ANKRD22: variants seen among roughly 807,000 people sequenced by gnomAD.
The protein encoded by ANKRD22 is ankyrin repeat domain-containing protein 22.
ANKRD22 carries 24 observed loss-of-function variants against 25.7 expected under a neutral mutation model. The ratio of observed to expected loss-of-function variants is 0.93; its 90% CI spans 0.68 to 1.31. ANKRD22 has a LOEUF of 1.31. Ranked by LOEUF, ANKRD22 falls within the 50% of genes most tolerant of loss-of-function variation. The probability of loss-of-function intolerance (pLI) is 0.00; values close to 1 mark genes in which losing one functional copy is unlikely to be tolerated. For missense variants in ANKRD22, 214 were observed against 227.1 expected (o/e 0.94, Z 0.37); for synonymous variants, 84 against 84.3 (o/e 1.00, Z 0.02).
In ANKRD22 at chr10:88,843,310, C is replaced by A. The variant is rs1844019802; in HGVS notation, c.21+8277G>T. On this transcript the variant is annotated intron_variant, in intron 1 of 5. Transcript: ENST00000371930. ...GAGGTTGCTGAAAGACCTCATCCCACCTTGTTTTAAGCATAATATGATCTT... is the reference window on the plus strand; with the variant it reads ...GAGGTTGCTGAAAGACCTCATCCCAACTTGTTTTAAGCATAATATGATCTT... Among the ~76,000 whole-genome samples, 5 of 152,248 alleles carry A rather than the reference C, an allele frequency of 3.3e-5. No individual in the cohort carries two copies. The South Asian group carries it at 1.0e-3, about 32-fold the overall frequency.
intron 1 of ANKRD22, among the ~76,000 whole-genome samples, chr10:88,846,717 G>A (rs187303663): frequency 6.6e-6 from 1 of 152,278 alleles, no homozygotes; most frequent in Admixed American, 6.5e-5. Context: ...TGTGCCTGCT[G>A]CATTAGCACA....
In ANKRD22 at chr10:88,835,369, TACTTC is replaced by T. The variant is rs972180925; in HGVS notation, c.22-3348_22-3344del. On this transcript the variant is annotated intron_variant, in intron 1 of 5. Transcript: ENST00000371930. The stretch of plus-strand genomic sequence containing the variant: ...CGGCTGAGATGCACAAGTACAGTCA[TACTTC>T]ACTTCACAACAGGGATACGTTCTGA... Among the ~76,000 whole-genome samples, 182 of 152,304 alleles carry T rather than the reference TACTTC, an allele frequency of 1.2e-3. 1 individual carries two copies. The highest frequency in any genetic ancestry group is 4.0e-3 in the African/African-American group (168 of 41,564).
In ANKRD22 at chr10:88,820,214, A is replaced by G. The variant is rs1192961062; in HGVS notation, c.*2727T>C. The G allele has an allele frequency of 6.5e-7, 1 of 1,539,736 alleles. No homozygotes were observed. Among genetic ancestry groups the G allele is most frequent in the Non-Finnish European group, 8.8e-7 (1 of 1,142,210 alleles). On this transcript the variant is annotated 3_prime_UTR_variant, in exon 6 of 6. Transcript: ENST00000371930. Reference sequence around the variant, plus strand: ...GTCCAAATGTTACCTAGAGTTAAGAACTATTCCTTTTCTCTAGCCAACTCC... The same window carrying G: ...GTCCAAATGTTACCTAGAGTTAAGAGCTATTCCTTTTCTCTAGCCAACTCC...
rs1375106884 is a variant in ANKRD22, at chr10:88,850,472, G to A, written c.21+1115C>T. ...TTCTTTCTCAGGATGGTGGTAAACA[G>A]ATCACCCCTATGTCAGAACCACCTG... On this transcript the variant is annotated intron_variant, in intron 1 of 5. Coordinates refer to ENST00000371930, the MANE Select transcript of ANKRD22 (RefSeq NM_144590.3). 1.2e-4 allele frequency among the ~76,000 whole-genome samples: 18 copies of A among 152,072 alleles called. 1 individual carries two copies. The highest frequency in any genetic ancestry group is 1.5e-5 in the Non-Finnish European group (1 of 67,984).
chr10:88,844,496 C>G (rs1277486204), intron 1 of ANKRD22, among the ~76,000 whole-genome samples: 1 of 152,032 alleles, frequency 6.6e-6, no homozygotes, highest in Non-Finnish European at 1.5e-5. Flanking sequence ...CCATTCTCAT[C>G]TCTTTTTCAG....
intron 1 of ANKRD22, among the ~76,000 whole-genome samples, chr10:88,836,187 G>C (rs1478812894): frequency 2.0e-5 from 3 of 152,048 alleles, no homozygotes; most frequent in Non-Finnish European, 4.4e-5. Context: ...CCACACCCTT[G>C]ATCTAAATAA....
chr10:88,827,349 T>C (rs932552057), intron 3 of ANKRD22, among the ~76,000 whole-genome samples: 3 of 152,392 alleles, frequency 2.0e-5, no homozygotes, highest in Middle Eastern at 3.4e-3. Flanking sequence ...AGAGTTGAGC[T>C]ATTCATTACG....
chr10:88,822,871 A>G lies in ANKRD22; in HGVS notation c.*70T>C. ...ATCCAGGTTAAATGGCCCACAGACC[A>G]AAAGTCTAAAATGAAGATAGAATCC... is the stretch of plus-strand genomic sequence containing the variant. On this transcript the variant is annotated 3_prime_UTR_variant, in exon 6 of 6. Transcript: ENST00000371930. The G allele has an allele frequency of 7.0e-7, 1 of 1,438,578 alleles. No individual in the cohort carries two copies. Among genetic ancestry groups the G allele is most frequent in the East Asian group, 2.3e-5 (1 of 44,014 alleles). 89.1% of individuals were successfully genotyped at this position (1,438,578 alleles called of 1,614,324 possible). A position where few individuals can be genotyped will look rare whatever the true frequency, so the allele number is the denominator to read the frequency against.
chr10:88,829,118 C>G (rs1274834490), intron 2 of ANKRD22, among the ~76,000 whole-genome samples: 1 of 152,144 alleles, frequency 6.6e-6, no homozygotes, highest in Non-Finnish European at 1.5e-5. Context: ...TGTGCATAGT[C>G]TAGAAGAATG....
Position 88,820,564 on chromosome 10 carries a change from C to T in ANKRD22, c.*2377G>A. ...GGGATGGGGCTAGGACCCATGAAGG[C>T]AGAATTACGGAGAGCAGAGACCTAG... On this transcript the variant is annotated 3_prime_UTR_variant, in exon 6 of 6. Transcript: ENST00000371930. The T allele has an allele frequency of 6.8e-7, 1 of 1,462,638 alleles. No homozygotes were observed. The highest frequency in any genetic ancestry group is 9.1e-7 in the Non-Finnish European group (1 of 1,094,592). The allele number at this position is 1,462,638 out of a possible 1,614,324, so 90.6% of individuals were successfully genotyped here.
chr10:88,820,496 T>A lies in ANKRD22; in HGVS notation c.*2445A>T, dbSNP rs1188880517. 2 of 1,549,876 alleles carry A rather than the reference T, an allele frequency of 1.3e-6. No individual in the cohort carries two copies. The highest frequency in any genetic ancestry group is 4.9e-5 in the East Asian group (2 of 40,920). On this transcript the variant is annotated 3_prime_UTR_variant, in exon 6 of 6. Coordinates refer to ENST00000371930, the MANE Select transcript of ANKRD22 (RefSeq NM_144590.3). ...TTCCCAGGGACGGTGTGAGGCCGTA[T>A]TGTGAAGCATCTGACACTGACGATC...
At chr10:88,845,051 TGTCCTGTC>T (rs1844035377) in intron 1 of ANKRD22, among the ~76,000 whole-genome samples, 2 of 138,190 alleles carry the variant, frequency 1.4e-5, no homozygotes, top group Non-Finnish European at 1.5e-5. Flanking sequence ...GTTTTTGTCT[TGTCCTGTC>T]CTCTTACAAA....
rs574216383 is a variant in ANKRD22 at position 88,821,781 on chromosome 10, G to A, written c.*1160C>T. 1.3e-5 allele frequency among the ~76,000 whole-genome samples: 2 copies of A among 152,268 alleles called. No individual in the cohort carries two copies. The highest frequency in any genetic ancestry group is 4.8e-5 in the African/African-American group (2 of 41,542). On this transcript the variant is annotated 3_prime_UTR_variant, in exon 6 of 6. Transcript: ENST00000371930. ...ATACAAAGAGGCTGGCTTAGTTCCTGTCTGCAGCTATGTGAGATTCAGTCT... is the reference window on the plus strand; with the variant it reads ...ATACAAAGAGGCTGGCTTAGTTCCTATCTGCAGCTATGTGAGATTCAGTCT...
At position 88,837,991 on chromosome 10, in the gene ANKRD22, G is replaced by A. The variant is rs371966027; in HGVS notation, c.22-5965C>T. 2.4e-4 allele frequency among the ~76,000 whole-genome samples: 37 copies of A among 152,266 alleles called. 1 individual carries two copies. The East Asian group carries it at 4.4e-3, about 18-fold the overall frequency. On this transcript the variant is annotated intron_variant, in intron 1 of 5. Transcript: ENST00000371930. Reference sequence around the variant, plus strand: ...AGTCTTGGGTATATCTTTATTAGCAGCATGAGAACAGACTAATCCAATAAC... The same window carrying A: ...AGTCTTGGGTATATCTTTATTAGCAACATGAGAACAGACTAATCCAATAAC...
At chr10:88,832,932 C>A (rs939361900) in intron 1 of ANKRD22, among the ~76,000 whole-genome samples, 2 of 152,178 alleles carry the variant, frequency 1.3e-5, no homozygotes, top group African/African-American at 2.4e-5. Flanking sequence ...TAAAACACAC[C>A]ACCTGCCTTT....
At chr10:88,848,173 T>TATATATAC (rs1315080682) in intron 1 of ANKRD22, among the ~76,000 whole-genome samples, 75 of 130,480 alleles carry the variant, frequency 5.7e-4, no homozygotes, top group African/African-American at 2.3e-3. Context: ...TGTATATATG[T>TATATATAC]GTATATATAT....
At chr10:88,835,240 C>G (rs1014098751) in intron 1 of ANKRD22, among the ~76,000 whole-genome samples, 3 of 152,142 alleles carry the variant, frequency 2.0e-5, no homozygotes, top group Non-Finnish European at 4.4e-5. Context: ...TTTCTCAACC[C>G]CATTTGAGCA....
chr10:88,834,393 T>C (rs904045220), intron 1 of ANKRD22, among the ~76,000 whole-genome samples: 5 of 152,190 alleles, frequency 3.3e-5, no homozygotes, highest in Admixed American at 1.3e-4. Context: ...GTTAGCTTTA[T>C]AGAAAAATTC....
rs766572373 is a variant in ANKRD22, at chr10:88,828,562, G to A, written c.318C>T (p.Leu106=). Residue 106 remains leucine, a synonymous_variant, in exon 3 of 6, where the codon CTC becomes CTT. Transcript: ENST00000371930. The part of the protein sequence containing the change: ...LMPVLLIGYF[L]MVSKTKQNEA... ...GCTCTACAAGTGTTGTACTCACCAT[G>A]AGGAAATACCCAATAAGCAGAACAG... is the stretch of plus-strand genomic sequence containing the variant. The A allele has an allele frequency of 5.6e-6, 9 of 1,596,932 alleles. No individual in the cohort carries two copies. In the South Asian group the frequency reaches 1.0e-4, roughly 18 times the overall value.
Sources: allele counts gnomAD v4.1 joint callset (sites outside exome capture counted in the v4.1 genomes callset), GRCh38; gene constraint gnomAD v4.1.1; transcripts MANE v1.5; gene names NCBI Gene and HGNC (gene_info 2026-07-23, HGNC 2026-07-21).